RAB27B: variants seen among roughly 807,000 people sequenced by gnomAD.
RAB27B encodes the protein RAB27B, member RAS oncogene family.
In RAB27B, 15 loss-of-function variants were observed where a neutral mutation model predicts 24.6. The ratio of observed to expected loss-of-function variants is 0.61; its 90% CI spans 0.41 to 0.94. RAB27B has a LOEUF of 0.94. Among genes scored for constraint, RAB27B ranks in the 40% least tolerant of loss-of-function variants. The pLI is 0.00. For missense variants in RAB27B, 261 were observed against 266.8 expected (o/e 0.98, Z 0.15); for synonymous variants, 105 against 92.5 (o/e 1.14, Z -0.78).
intron 2 of RAB27B, among the ~76,000 whole-genome samples, chr18:54,801,105 T>A (rs566747358): frequency 6.8e-6 from 1 of 146,670 alleles, no homozygotes; most frequent in African/African-American, 2.5e-5. Context: ...CCCCGTCTCC[T>A]GGCTTCAAGC....
intron 2 of RAB27B, among the ~76,000 whole-genome samples, chr18:54,737,230 G>A (rs1048315622): frequency 6.6e-6 from 1 of 152,112 alleles, no homozygotes; most frequent in Non-Finnish European, 1.5e-5. Context: ...ATGCACACAA[G>A]GCTTCTTCCC....
rs974100570 is a variant in RAB27B at position 54,890,202 on chromosome 18, T to C, written c.*789T>C. 3 of 152,142 alleles carry C rather than the reference T, an allele frequency of 2.0e-5. No homozygotes were observed. The highest frequency in any genetic ancestry group is 7.2e-5 in the African/African-American group (3 of 41,450). The allele number at this position is 152,142 out of a possible 1,614,324, so 9.4% of individuals were successfully genotyped here. The stretch of plus-strand genomic sequence containing the variant: ...CTGGAAGGGTTACTTAGCCAAATTT[T>C]ACTCAAGCCAATTAGGAGCTGATAT... On this transcript the variant is annotated 3_prime_UTR_variant, in exon 6 of 6. Coordinates refer to ENST00000262094, the MANE Select transcript of RAB27B (RefSeq NM_004163.4).
At position 54,790,147 on chromosome 18, in the gene RAB27B, AAC is replaced by A. The variant is rs565826330; in HGVS notation, c.-20+72016_-20+72017del. On this transcript the variant is annotated intron_variant, in intron 2 of 4. Transcript: ENST00000586570. ...GAGTATTTAAAGATGTTTTTATTAA[AAC>A]ACACACACAATTTGTTGATCTTACA... Among the ~76,000 whole-genome samples, 18 of 152,250 alleles carry A rather than the reference AAC, an allele frequency of 1.2e-4. No homozygotes were observed. In the South Asian group the frequency reaches 3.7e-3, roughly 32 times the overall value.
intron 1 of RAB27B, among the ~76,000 whole-genome samples, chr18:54,834,775 T>C (rs1910828885): frequency 6.6e-6 from 1 of 151,840 alleles, no homozygotes; most frequent in South Asian, 2.1e-4. Flanking sequence ...TTTAAAACGT[T>C]TAGGGAAAAA....
chr18:54,758,446 A>G (rs1908074797), intron 2 of RAB27B, among the ~76,000 whole-genome samples: 1 of 152,184 alleles, frequency 6.6e-6, no homozygotes, highest in African/African-American at 2.4e-5. Flanking sequence ...AAAATTTAAT[A>G]AGAGAAATAC....
At chr18:54,816,802 T>C (rs1046294604) in intron 2 of RAB27B, among the ~76,000 whole-genome samples, 1 of 152,218 alleles carries the variant, frequency 6.6e-6, no homozygotes, top group Non-Finnish European at 1.5e-5. Flanking sequence ...CTGTGATTTA[T>C]TTATTAAAAT....
chr18:54,771,260 T>TA (rs149692481), intron 2 of RAB27B, among the ~76,000 whole-genome samples: 1 of 152,110 alleles, frequency 6.6e-6, no homozygotes, highest in Non-Finnish European at 1.5e-5. Flanking sequence ...AGCATTGATA[T>TA]AAAAAAACTG....
At chr18:54,871,849 CAAAA>C (rs11388519) in intron 1 of RAB27B, among the ~76,000 whole-genome samples, 17 of 85,976 alleles carry the variant, frequency 2.0e-4, no homozygotes, top group African/African-American at 4.1e-4. Flanking sequence ...GACTCCATCT[CAAAA>C]AAAAAAAAAA....
intron 2 of RAB27B, among the ~76,000 whole-genome samples, chr18:54,729,020 C>A (rs1429006095): frequency 1.4e-5 from 2 of 140,640 alleles, no homozygotes; most frequent in African/African-American, 2.6e-5. Context: ...GGCTATTTTT[C>A]ACCTCTTATA....
At chr18:54,751,520 G>A (rs1306614482) in intron 2 of RAB27B, among the ~76,000 whole-genome samples, 2 of 152,090 alleles carry the variant, frequency 1.3e-5, no homozygotes, top group Non-Finnish European at 2.9e-5. Context: ...ATAGACTTGG[G>A]GGTCACAGAT....
At chr18:54,741,243 C>CG (rs1568048525) in intron 2 of RAB27B, among the ~76,000 whole-genome samples, 1 of 152,036 alleles carries the variant, frequency 6.6e-6, no homozygotes, top group Admixed American at 6.6e-5. Context: ...TACATTCCTC[C>CG]GCCCATCCCA....
intron 2 of RAB27B, among the ~76,000 whole-genome samples, chr18:54,798,141 G>C (rs1909484150): frequency 6.6e-6 from 1 of 151,972 alleles, no homozygotes. Context: ...TTTATATTGA[G>C]AGTTCATTCC....
At chr18:54,770,282 G>A (rs558988879) in intron 2 of RAB27B, among the ~76,000 whole-genome samples, 1 of 152,110 alleles carries the variant, frequency 6.6e-6, no homozygotes, top group Non-Finnish European at 1.5e-5. Flanking sequence ...CTTCTTCTGT[G>A]TTTACAGCCA....
intron 1 of RAB27B, among the ~76,000 whole-genome samples, chr18:54,875,643 AGT>A (rs370778936): frequency 4.2e-4 from 64 of 152,254 alleles, no homozygotes; most frequent in African/African-American, 1.5e-3. Flanking sequence ...TTAGAGCAAA[AGT>A]ATGAATTTGC....
chr18:54,787,916 G>T (rs974586122), intron 2 of RAB27B, among the ~76,000 whole-genome samples: 1 of 152,172 alleles, frequency 6.6e-6, no homozygotes, highest in African/African-American at 2.4e-5. Flanking sequence ...TCCAGTAAAA[G>T]ATTCCACTCA....
intron 2 of RAB27B, among the ~76,000 whole-genome samples, chr18:54,807,557 A>G (rs1909830820): frequency 6.6e-6 from 1 of 152,172 alleles, no homozygotes. Context: ...TCTTAGCTCT[A>G]TCAATATGCG....
intron 2 of RAB27B, among the ~76,000 whole-genome samples, chr18:54,801,167 C>T (rs1428878848): frequency 1.3e-5 from 2 of 151,610 alleles, no homozygotes; most frequent in Admixed American, 1.3e-4. Context: ...TGCACGCCAC[C>T]ACACCTGGCT....
chr18:54,763,307 G>A (rs559463393), intron 2 of RAB27B, among the ~76,000 whole-genome samples: 3 of 151,780 alleles, frequency 2.0e-5, no homozygotes, highest in East Asian at 1.9e-4. Flanking sequence ...CTATGTGTTT[G>A]TTTATTTATT....
chr18:54,874,539 C>A (rs1159027384), intron 1 of RAB27B, among the ~76,000 whole-genome samples: 4 of 147,502 alleles, frequency 2.7e-5, no homozygotes, highest in African/African-American at 7.5e-5. Context: ...GAGACTGTCA[C>A]GCATTCATAC....
Sources: gnomAD v4.1 joint callset for allele counts (sites outside exome capture counted in the v4.1 genomes callset) on GRCh38, gnomAD v4.1.1 for gene constraint, MANE v1.5 for transcripts, NCBI Gene and HGNC (gene_info 2026-07-23, HGNC 2026-07-21) for gene names.